The following CFAP46 variants were observed in gnomAD, a reference collection of about 807,000 sequenced individuals.
CFAP46 encodes cilia and flagella associated protein 46, also known as cilia- and flagella-associated protein 46.
Under a neutral mutation model 325.7 loss-of-function variants are expected in CFAP46, and 245 were observed. That is an observed-to-expected ratio of 0.75 (90% CI 0.68 to 0.84). The LOEUF (loss-of-function observed/expected upper bound fraction) is 0.84, where lower values mean the gene tolerates loss of function less well. CFAP46 is among the 40% of genes least tolerant of loss of function. The pLI is 0.00. For synonymous variants in CFAP46, 1,523 were observed against 1,495.9 expected (o/e 1.02, Z -0.42); for missense variants, 3,346 against 3,543.0 (o/e 0.94, Z 1.41).
At chr10:132,810,858 C>A in intron 56 of CFAP46, 92 bp downstream of exon 56, 4 of 1,217,884 alleles carry the variant, frequency 3.3e-6, no homozygotes, top group Non-Finnish European at 4.7e-6. Flanking sequence ...AAACCCGACC[C>A]CAGGTCCCTC....
intron 25 of CFAP46, among the ~76,000 whole-genome samples, chr10:132,887,656 TCTC>T (rs1564790781): frequency 1.4e-5 from 1 of 73,190 alleles, no homozygotes; most frequent in Non-Finnish European, 2.9e-5. Context: ...TCCTCTCCTC[TCTC>T]CTCTTTCACC....
chr10:132,854,504 A>AT (rs1296741967), intron 39 of CFAP46, among the ~76,000 whole-genome samples: 1 of 151,892 alleles, frequency 6.6e-6, no homozygotes, highest in Admixed American at 6.6e-5. Context: ...TGCCTGGTTA[A>AT]TTTTTTGTAT....
intron 9 of CFAP46, 174 bp downstream of exon 9, chr10:132,929,531 C>T (rs919657349): frequency 1.3e-6 from 1 of 789,688 alleles, no homozygotes. Flanking sequence ...ATTGCAAACA[C>T]CATCTAACTG....
intron 15 of CFAP46, 81 bp from the exon 16 acceptor site, chr10:132,918,601 G>A: frequency 6.9e-7 from 1 of 1,453,334 alleles, no homozygotes; most frequent in Non-Finnish European, 9.1e-7. Context: ...AACCATCTTG[G>A]AGTGCCTGAG....
chr10:132,878,202 G>A lies in CFAP46; in HGVS notation c.4006-115C>T, dbSNP rs1248694973. 5.3e-6 allele frequency: 5 copies of A among 946,628 alleles called. No individual in the cohort carries two copies. The East Asian group carries it at 7.9e-5, about 15-fold the overall frequency. The allele number at this position is 946,628 out of a possible 1,614,324, so 58.6% of individuals were successfully genotyped here. Reference sequence around the variant, plus strand: ...GACCCGCGGGGCTCCCCAGACTCTAGTGCTCTGGTGGTCTTGCGTCCCCGT... The same window carrying A: ...GACCCGCGGGGCTCCCCAGACTCTAATGCTCTGGTGGTCTTGCGTCCCCGT... On this transcript the variant is annotated intron_variant, in intron 29 of 57. Coordinates refer to ENST00000368586, the MANE Select transcript of CFAP46 (RefSeq NM_001200049.3).
chr10:132,885,858 C>G lies in CFAP46; in HGVS notation c.3406G>C (p.Glu1136Gln), dbSNP rs569429805. Reference protein sequence around the residue: ...DWEGGLKVLDEAVQVLPRTAH... With the variant: ...DWEGGLKVLDQAVQVLPRTAH... ...GTCCTTGGCAGCACCTGCACAGCCT[C>G]GTCCAGCACCTTGAGGCCGCCCTCC... is the stretch of plus-strand genomic sequence containing the variant. Residue 1136 changes from glutamate to glutamine, a missense_variant, in exon 26 of 58, where the codon GAG becomes CAG. Coordinates refer to ENST00000368586, the MANE Select transcript of CFAP46 (RefSeq NM_001200049.3). The G allele has an allele frequency of 6.5e-7, 1 of 1,549,988 alleles. No homozygotes were observed. Among genetic ancestry groups the G allele is most frequent in the Non-Finnish European group, 8.7e-7 (1 of 1,146,858 alleles).
chr10:132,877,111 T>C lies in CFAP46; in HGVS notation c.4213-150A>G. 1.4e-6 allele frequency: 1 copy of C among 738,908 alleles called. No homozygotes were observed. The highest frequency in any genetic ancestry group is 2.2e-6 in the Non-Finnish European group (1 of 455,286). The allele number at this position is 738,908 out of a possible 1,614,324, so 45.8% of individuals were successfully genotyped here. On this transcript the variant is annotated intron_variant, in intron 30 of 57. Coordinates refer to ENST00000368586, the MANE Select transcript of CFAP46 (RefSeq NM_001200049.3). The surrounding 1 kb of genome is among the most constrained non-coding windows in gnomAD (Gnocchi z 5.7). ...CACCAGGTCCCAGCGAGTGCCCAGATCCAGCCTCTGATACTGTTTCCAGGC... is the reference window on the plus strand; with the variant it reads ...CACCAGGTCCCAGCGAGTGCCCAGACCCAGCCTCTGATACTGTTTCCAGGC...
At position 132,880,786 on chromosome 10, in the gene CFAP46, T is replaced by C. The variant is rs1397439255; in HGVS notation, c.3799+75A>G. On this transcript the variant is annotated intron_variant, in intron 28 of 57. Transcript: ENST00000368586. ...CAGACACATGGATACCCAACGGCGGTCCAGATCACGGAGCAGGAAGCAGAG... is the reference window on the plus strand; with the variant it reads ...CAGACACATGGATACCCAACGGCGGCCCAGATCACGGAGCAGGAAGCAGAG... 2.0e-6 allele frequency: 3 copies of C among 1,489,008 alleles called. No individual in the cohort carries two copies. The East Asian group carries it at 7.4e-5, about 37-fold the overall frequency. The allele number at this position is 1,489,008 out of a possible 1,614,324, so 92.2% of individuals were successfully genotyped here.
Position 132,876,806 on chromosome 10 carries a change from A to G in CFAP46, c.4362+6T>C. 6.5e-7 allele frequency: 1 copy of G among 1,547,512 alleles called. No homozygotes were observed. Among genetic ancestry groups the G allele is most frequent in the Non-Finnish European group, 8.7e-7 (1 of 1,146,228 alleles). ...GGTCTTGAGCCTTTTCTTTATGTCA[A>G]CGTACCGGCTTCTGGATACTTGAGG... On this transcript the variant is annotated splice_donor_region_variant and intron_variant, in intron 31 of 57. Transcript: ENST00000368586. This position sits in a 1 kb window ranked among gnomAD's most constrained non-coding sequence, Gnocchi z 4.1.
At chr10:132,894,207 C>G (rs943798293) in intron 24 of CFAP46, among the ~76,000 whole-genome samples, 1 of 152,232 alleles carries the variant, frequency 6.6e-6, no homozygotes, top group African/African-American at 2.4e-5. Context: ...AGCTAAATTT[C>G]TGAAATACTA....
intron 44 of CFAP46, among the ~76,000 whole-genome samples, chr10:132,840,615 G>T (rs1848332459): frequency 6.6e-6 from 1 of 152,184 alleles, no homozygotes; most frequent in Admixed American, 6.5e-5. Context: ...TTTATTTGTA[G>T]TATTTTCATT....
chr10:132,828,104 C>T lies in CFAP46; in HGVS notation c.7117+5254G>A, dbSNP rs905292461. On this transcript the variant is annotated intron_variant, in intron 50 of 57. Transcript: ENST00000368586. This position sits in a 1 kb window ranked among gnomAD's most constrained non-coding sequence, Gnocchi z 4.9. The stretch of plus-strand genomic sequence containing the variant: ...GCCCACTGGGTGTCCAGGTGTCCGT[C>T]CTGTGGGTGATGGATCTTTCTGTGG... Among the ~76,000 whole-genome samples, 7 of 152,232 alleles carry T rather than the reference C, an allele frequency of 4.6e-5. No individual in the cohort carries two copies. Among genetic ancestry groups the T allele is most frequent in the African/African-American group, 1.7e-4 (7 of 41,440 alleles).
At chr10:132,811,090 G>A in intron 55 of CFAP46, 59 bp from the exon 56 acceptor site, 1 of 1,417,998 alleles carries the variant, frequency 7.1e-7, no homozygotes. Context: ...GTGGGGATGG[G>A]GTGTGGGCAG....
chr10:132,876,608 AAAG>A lies in CFAP46; in HGVS notation c.4362+201_4362+203del, dbSNP rs1848960758. Among the ~76,000 whole-genome samples, 1 of 152,116 alleles carries A rather than the reference AAAG, an allele frequency of 6.6e-6. No individual in the cohort carries two copies. Among genetic ancestry groups the A allele is most frequent in the Non-Finnish European group, 1.5e-5 (1 of 68,028 alleles). ...AGGTACGTGTTGGACTTGAGTGGGG[AAAG>A]AAGGAAGGCTTTCCTAAGTGTCGGC... On this transcript the variant is annotated intron_variant, in intron 31 of 57. Transcript: ENST00000368586. This position sits in a 1 kb window ranked among gnomAD's most constrained non-coding sequence, Gnocchi z 4.1.
intron 27 of CFAP46, among the ~76,000 whole-genome samples, chr10:132,883,387 TC>T (rs1448877700): frequency 6.6e-6 from 1 of 152,224 alleles, no homozygotes; most frequent in African/African-American, 2.4e-5. Flanking sequence ...CACCCCATCA[TC>T]AGTGGCTGGG....
chr10:132,920,571 G>A (rs1016542996), intron 13 of CFAP46, among the ~76,000 whole-genome samples: 4 of 152,188 alleles, frequency 2.6e-5, no homozygotes, highest in Middle Eastern at 6.3e-3. Context: ...AGGTTTATCC[G>A]CATGACGCCA....
chr10:132,937,502 C>A lies in CFAP46; in HGVS notation c.660+50G>T, dbSNP rs1176905343. ...TTCTACGCAGTTTTCTGAACAATGA[C>A]TTTTAAGAAAATTACTTCTTACGTC... On this transcript the variant is annotated intron_variant, in intron 6 of 57. Coordinates refer to ENST00000368586, the MANE Select transcript of CFAP46 (RefSeq NM_001200049.3). 2.5e-6 allele frequency: 4 copies of A among 1,608,860 alleles called. No homozygotes were observed. In the South Asian group the frequency reaches 4.4e-5, roughly 18 times the overall value.
intron 27 of CFAP46, among the ~76,000 whole-genome samples, chr10:132,882,054 T>TGTGGTGCGTGTGGGATGTGGGGTGTGA: frequency 8.4e-6 from 1 of 119,434 alleles, no homozygotes; most frequent in Non-Finnish European, 1.7e-5. Context: ...GTGGGGGGTG[T>TGTGGTGCGTGTGGGATGTGGGGTGTGA]GTGGTGCGTG....
intron 9 of CFAP46, among the ~76,000 whole-genome samples, chr10:132,927,344 AGCAGGTCCTCGGCGGCAGACG>A (rs1849826697): frequency 6.6e-6 from 1 of 151,670 alleles, no homozygotes; most frequent in African/African-American, 2.4e-5. Flanking sequence ...CGTCCCGGGG[AGCAGGTCCTCGGCGGCAGACG>A]CCTCCGTCCC....
Sources: allele counts gnomAD v4.1 joint callset (sites outside exome capture counted in the v4.1 genomes callset), GRCh38; gene constraint gnomAD v4.1.1; non-coding constraint Gnocchi (gnomAD v3.1); transcripts MANE v1.5; gene names NCBI Gene and HGNC (gene_info 2026-07-23, HGNC 2026-07-21).